The following FHIT variants were observed in gnomAD, a reference collection of about 807,000 sequenced individuals.
FHIT encodes fragile histidine triad diadenosine triphosphatase.
In FHIT, 19 loss-of-function variants were observed where a neutral mutation model predicts 17.9. The ratio of observed to expected loss-of-function variants is 1.06; its 90% CI spans 0.74 to 1.56. The LOEUF is 1.56. Among genes scored for constraint, FHIT ranks in the 40% most tolerant of loss-of-function variants. The pLI, the probability that FHIT is intolerant of heterozygous loss-of-function variation, is 0.00. For missense variants in FHIT, 248 were observed against 189.2 expected, an observed-to-expected ratio of 1.31 and a Z score of -1.82; for synonymous variants, 81 against 69.7, an observed-to-expected ratio of 1.16 and a Z score of -0.81.
chr3:60,045,236 A>G (rs1369253448), intron 5 of FHIT, among the ~76,000 whole-genome samples: 4 of 152,166 alleles, frequency 2.6e-5, no homozygotes, highest in Non-Finnish European at 5.9e-5. Flanking sequence ...AAAATGATGT[A>G]TTATTCTCAG....
At chr3:60,919,735 T>C (rs144404792) in intron 3 of FHIT, among the ~76,000 whole-genome samples, 8 of 152,294 alleles carry the variant, frequency 5.3e-5, no homozygotes, top group African/African-American at 1.7e-4. Flanking sequence ...ATATTTTTTA[T>C]AGGGAATAAG....
At chr3:60,120,848 T>TC (rs1705215016) in intron 5 of FHIT, among the ~76,000 whole-genome samples, 2 of 151,026 alleles carry the variant, frequency 1.3e-5, no homozygotes, top group African/African-American at 4.9e-5. Flanking sequence ...CTAAGTGATT[T>TC]TTTTTTTCCA....
At position 60,013,942 on chromosome 3, in the gene FHIT, G is replaced by C. The variant is rs150035151; in HGVS notation, c.249+65C>G. 3.0e-4 allele frequency: 455 copies of C among 1,515,986 alleles called. No individual in the cohort carries two copies. The African/African-American group carries it at 5.6e-3, about 19-fold the overall frequency. 93.9% of individuals were successfully genotyped at this position (1,515,986 alleles called of 1,614,324 possible). A position where few individuals can be genotyped will look rare whatever the true frequency, so the allele number is the denominator to read the frequency against. ...TGCCCTCCTGGTAAGATATCAGGAG[G>C]AGCAAGCCCAATGCCGGGATATGAA... On this transcript the variant is annotated intron_variant, in intron 6 of 9. Transcript: ENST00000492590.
chr3:60,498,572 T>C (rs548113785), intron 5 of FHIT, among the ~76,000 whole-genome samples: 2 of 152,344 alleles, frequency 1.3e-5, no homozygotes, highest in South Asian at 4.1e-4. Flanking sequence ...CTTATAATCA[T>C]GAATAATGAT....
intron 4 of FHIT, among the ~76,000 whole-genome samples, chr3:60,781,126 G>A (rs1476563902): frequency 6.6e-6 from 1 of 152,160 alleles, no homozygotes; most frequent in Non-Finnish European, 1.5e-5. Context: ...TCTCCAGGAG[G>A]GAGAAGGCCA....
At chr3:60,492,264 C>G (rs2034097986) in intron 5 of FHIT, among the ~76,000 whole-genome samples, 1 of 152,162 alleles carries the variant, frequency 6.6e-6, no homozygotes, top group African/African-American at 2.4e-5. Flanking sequence ...TCTGAAAATA[C>G]AAACATTCAG....
chr3:60,599,692 A>AAAG (rs1276344418), intron 4 of FHIT, among the ~76,000 whole-genome samples: 3 of 151,610 alleles, frequency 2.0e-5, no homozygotes, highest in Non-Finnish European at 4.4e-5. Flanking sequence ...GTTAAAAAAA[A>AAAG]AAAAAGGAAT....
chr3:60,460,282 G>T (rs2032377272), intron 5 of FHIT, among the ~76,000 whole-genome samples: 1 of 152,112 alleles, frequency 6.6e-6, no homozygotes, highest in South Asian at 2.1e-4. Context: ...TTGTCCAAGT[G>T]TCCTGTCTTG....
intron 5 of FHIT, among the ~76,000 whole-genome samples, chr3:60,308,494 G>A (rs980430258): frequency 0.012 from 629 of 51,832 alleles, 7 homozygotes; most frequent in African/African-American, 0.048. Flanking sequence ...ATAGGTGTAT[G>A]TGTATATATA....
chr3:60,591,725 C>T (rs1382558893), intron 4 of FHIT, among the ~76,000 whole-genome samples: 1 of 152,110 alleles, frequency 6.6e-6, no homozygotes, highest in African/African-American at 2.4e-5. Context: ...GAGATTCATT[C>T]TTTAGTTTGT....
intron 8 of FHIT, among the ~76,000 whole-genome samples, chr3:59,814,027 T>C (rs1700503696): frequency 7.2e-6 from 1 of 138,900 alleles, no homozygotes; most frequent in Non-Finnish European, 1.5e-5. Flanking sequence ...CTGCCCTCTA[T>C]GTAAAAAAAT....
chr3:60,243,571 T>A (rs770589188), intron 5 of FHIT, among the ~76,000 whole-genome samples: 81 of 152,080 alleles, frequency 5.3e-4, no homozygotes, highest in Non-Finnish European at 1.0e-3. Context: ...AGCTCCACGG[T>A]TTAAGCCCCT....
intron 3 of FHIT, among the ~76,000 whole-genome samples, chr3:60,982,656 T>A (rs994150701): frequency 6.6e-6 from 1 of 152,218 alleles, no homozygotes; most frequent in East Asian, 1.9e-4. Flanking sequence ...TGTCTCACTC[T>A]GTTATTCTCT....
At chr3:60,120,914 A>C (rs1269875524) in intron 5 of FHIT, among the ~76,000 whole-genome samples, 2 of 152,030 alleles carry the variant, frequency 1.3e-5, no homozygotes, top group African/African-American at 2.4e-5. Context: ...TTCACATAGC[A>C]GTTCCCAAAT....
chr3:60,227,959 G>A (rs940047299), intron 5 of FHIT, among the ~76,000 whole-genome samples: 1 of 152,142 alleles, frequency 6.6e-6, no homozygotes, highest in Non-Finnish European at 1.5e-5. Context: ...AAGAACTGCA[G>A]GGGAGCTGGA....
At chr3:59,786,127 A>G (rs1699278783) in intron 8 of FHIT, among the ~76,000 whole-genome samples, 3 of 152,220 alleles carry the variant, frequency 2.0e-5, no homozygotes, top group Admixed American at 6.5e-5. Flanking sequence ...CTTTTCAGCC[A>G]GGTCTGGGCC....
Position 61,124,712 on chromosome 3 carries a change from A to C in FHIT, c.-164+75905T>G, listed in dbSNP as rs564077106. On this transcript the variant is annotated intron_variant, in intron 2 of 9. Coordinates refer to ENST00000492590, the MANE Select transcript of FHIT (RefSeq NM_002012.4). ...TTATATGGTTCATTGTGAGAGTTTAAGTATTACTTCTTTTAAGTACTAGAA... is the reference window on the plus strand; with the variant it reads ...TTATATGGTTCATTGTGAGAGTTTACGTATTACTTCTTTTAAGTACTAGAA... 8.5e-5 allele frequency among the ~76,000 whole-genome samples: 13 copies of C among 152,300 alleles called. No homozygotes were observed. The East Asian group carries it at 1.7e-3, about 20-fold the overall frequency.
intron 1 of FHIT, among the ~76,000 whole-genome samples, chr3:61,219,784 A>G (rs192189129): frequency 1.1e-3 from 165 of 152,344 alleles, no homozygotes; most frequent in Non-Finnish European, 1.9e-3. Flanking sequence ...TAGCCCTCCA[A>G]AAAATCTTTA....
chr3:59,774,991 C>T (rs769713428), intron 8 of FHIT, among the ~76,000 whole-genome samples: 6 of 152,186 alleles, frequency 3.9e-5, no homozygotes, highest in Non-Finnish European at 7.4e-5. Flanking sequence ...ACCGACTGAA[C>T]TAAAAACTCT....
Sources: gnomAD v4.1 joint callset for allele counts (sites outside exome capture counted in the v4.1 genomes callset) on GRCh38, gnomAD v4.1.1 for gene constraint, MANE v1.5 for transcripts, NCBI Gene and HGNC (gene_info 2026-07-23, HGNC 2026-07-21) for gene names.